The following NRXN1 variants were observed in gnomAD, a reference collection of about 807,000 sequenced individuals.
NRXN1 encodes the protein neurexin 1, also known as neurexin-1.
NRXN1 carries 39 observed loss-of-function variants against 150.9 expected under a neutral mutation model. The ratio of observed to expected loss-of-function variants is 0.26; its 90% confidence interval spans 0.20 to 0.34. The LOEUF is 0.34. Among genes scored for constraint, NRXN1 ranks in the 10% least tolerant of loss-of-function variants. The pLI, the probability that NRXN1 is intolerant of heterozygous loss-of-function variation, is 1.00. For missense variants in NRXN1, 1,815 were observed against 1,949.9 expected, an observed-to-expected ratio of 0.93 and a Z score of 1.30; for synonymous variants, 924 against 757.0, an observed-to-expected ratio of 1.22 and a Z score of -3.62.
At chr2:50,599,422 G>A (rs913542070) in intron 8 of NRXN1, among the ~76,000 whole-genome samples, 2 of 152,132 alleles carry the variant, frequency 1.3e-5, no homozygotes, top group African/African-American at 4.8e-5. Flanking sequence ...TGACTTCTCG[G>A]TTCAATGCTC....
rs1703440708 is a variant in NRXN1 at position 50,775,046 on chromosome 2, CTCT to C, written c.832+146820_832+146822del. ...GCCCAAGAACTTTGCATTCCTACTG[CTCT>C]ACTCCATCCTTTGCTTTAAGCACAA... On this transcript the variant is annotated intron_variant, in intron 5 of 22. Coordinates refer to ENST00000401669, the MANE Select transcript of NRXN1 (RefSeq NM_001330078.2). Among the ~76,000 whole-genome samples, 7 of 152,264 alleles carry C rather than the reference CTCT, an allele frequency of 4.6e-5. No homozygotes were observed. The South Asian group carries it at 1.5e-3, about 32-fold the overall frequency.
At chr2:49,956,639 C>T (rs1675004712) in intron 21 of NRXN1, among the ~76,000 whole-genome samples, 2 of 152,114 alleles carry the variant, frequency 1.3e-5, no homozygotes, top group South Asian at 4.1e-4. Context: ...ACCGTAGCAC[C>T]TTAGGTCCAT....
chr2:50,852,935 A>T (rs1216273555), intron 5 of NRXN1, among the ~76,000 whole-genome samples: 1 of 152,148 alleles, frequency 6.6e-6, no homozygotes, highest in Non-Finnish European at 1.5e-5. Flanking sequence ...GGCTTTGTAA[A>T]ATATTGTGCT....
chr2:50,742,953 A>G (rs1699606176), intron 5 of NRXN1, among the ~76,000 whole-genome samples: 1 of 152,206 alleles, frequency 6.6e-6, no homozygotes, highest in South Asian at 2.1e-4. Context: ...GCATAGACTG[A>G]ACAAGTGAAG....
At chr2:50,505,439 C>A (rs965801720) in intron 13 of NRXN1, among the ~76,000 whole-genome samples, 1 of 152,160 alleles carries the variant, frequency 6.6e-6, no homozygotes, top group Non-Finnish European at 1.5e-5. Flanking sequence ...TTGCCGTTGG[C>A]AGCTGCCTCT....
At chr2:50,154,603 T>C (rs756147040) in intron 18 of NRXN1, among the ~76,000 whole-genome samples, 2 of 151,610 alleles carry the variant, frequency 1.3e-5, no homozygotes, top group Non-Finnish European at 3.0e-5. Context: ...CCACAGAATA[T>C]TATAGTACTT....
At chr2:49,939,717 C>A (rs189259641) in intron 22 of NRXN1, among the ~76,000 whole-genome samples, 60 of 152,218 alleles carry the variant, frequency 3.9e-4, no homozygotes, top group African/African-American at 1.3e-3. Context: ...TTTTGTATAA[C>A]TGAATTGGGG....
chr2:50,646,355 C>T (rs996351695), intron 5 of NRXN1, among the ~76,000 whole-genome samples: 1 of 151,988 alleles, frequency 6.6e-6, no homozygotes, highest in Non-Finnish European at 1.5e-5. Flanking sequence ...GATGCTGCAT[C>T]AGTAACAAGT....
At chr2:50,648,508 C>T (rs1685137291) in intron 5 of NRXN1, among the ~76,000 whole-genome samples, 1 of 151,930 alleles carries the variant, frequency 6.6e-6, no homozygotes, top group Non-Finnish European at 1.5e-5. Flanking sequence ...TTCTGCATGA[C>T]CCTGTATTTG....
rs147837554 is a variant in NRXN1 at position 49,982,779 on chromosome 2, T to G, written c.4129-38988A>C. Among the ~76,000 whole-genome samples the G allele has an allele frequency of 6.6e-5, 10 of 152,290 alleles. No homozygotes were observed. In the East Asian group the frequency reaches 1.9e-3, roughly 29 times the overall value. ...TGGACGCATTTCTATTCTGCATTTC[T>G]GCTTTGTAAATAACAATTTTCTTCC... is the stretch of plus-strand genomic sequence containing the variant. On this transcript the variant is annotated intron_variant, in intron 21 of 22. Coordinates refer to ENST00000401669, the MANE Select transcript of NRXN1 (RefSeq NM_001330078.2).
chr2:50,484,947 C>T lies in NRXN1; in HGVS notation c.3070+10958G>A, dbSNP rs540963738. Among the ~76,000 whole-genome samples the T allele has an allele frequency of 3.7e-4, 56 of 152,254 alleles. 1 individual carries two copies. Among genetic ancestry groups the T allele is most frequent in the African/African-American group, 1.3e-3 (56 of 41,524 alleles). On this transcript the variant is annotated intron_variant, in intron 15 of 22. Coordinates refer to ENST00000401669, the MANE Select transcript of NRXN1 (RefSeq NM_001330078.2). ...ATAAATGTTAGCTTTTCACTGTAGA[C>T]ATTCAGAAGTAATCCTTTCAAATAT... is the stretch of plus-strand genomic sequence containing the variant.
intron 21 of NRXN1, among the ~76,000 whole-genome samples, chr2:50,049,021 G>A (rs915136550): frequency 2.0e-5 from 3 of 152,174 alleles, no homozygotes; most frequent in African/African-American, 4.8e-5. Context: ...AACCAGGCAA[G>A]GATACCACAG....
intron 18 of NRXN1, among the ~76,000 whole-genome samples, chr2:50,184,259 C>T (rs1305601184): frequency 6.6e-6 from 1 of 152,020 alleles, no homozygotes; most frequent in Non-Finnish European, 1.5e-5. Flanking sequence ...CTAGATCACA[C>T]ATTCCTTAAA....
At chr2:50,232,630 C>T (rs1394303970) in intron 18 of NRXN1, among the ~76,000 whole-genome samples, 1 of 151,870 alleles carries the variant, frequency 6.6e-6, no homozygotes, top group Non-Finnish European at 1.5e-5. Context: ...TGTGATCTGC[C>T]AGCCTTGGCC....
chr2:50,650,938 T>C (rs1189109526), intron 5 of NRXN1, among the ~76,000 whole-genome samples: 1 of 152,044 alleles, frequency 6.6e-6, no homozygotes, highest in Non-Finnish European at 1.5e-5. Flanking sequence ...ACTTTGGAAT[T>C]AACTTTGAGT....
At chr2:50,556,599 T>C (rs914035796) in intron 8 of NRXN1, among the ~76,000 whole-genome samples, 4 of 152,066 alleles carry the variant, frequency 2.6e-5, no homozygotes, top group African/African-American at 9.7e-5. Flanking sequence ...TTTGTTAGAA[T>C]TTTTAGTGTC....
rs148126059 is a variant in NRXN1, at chr2:50,500,771, T to C, written c.2498-3057A>G. ...ATCTCAATATTTCCAAGTCAAATATTTTTACCAAAATAGATAGCAAGGTTA... is the reference window on the plus strand; with the variant it reads ...ATCTCAATATTTCCAAGTCAAATATCTTTACCAAAATAGATAGCAAGGTTA... On this transcript the variant is annotated intron_variant, in intron 13 of 22. Coordinates refer to ENST00000401669, the MANE Select transcript of NRXN1 (RefSeq NM_001330078.2). 6.9e-3 allele frequency among the ~76,000 whole-genome samples: 1,057 copies of C among 152,352 alleles called. 17 individuals carry two copies. The highest frequency in any genetic ancestry group is 0.024 in the African/African-American group (1,010 of 41,572).
intron 19 of NRXN1, among the ~76,000 whole-genome samples, chr2:50,090,445 A>C (rs1297625821): frequency 1.3e-5 from 2 of 152,172 alleles, no homozygotes; most frequent in Non-Finnish European, 2.9e-5. Flanking sequence ...ACATAGTTAT[A>C]TCTAAAAGGG....
chr2:50,375,778 A>G (rs2080443249), intron 17 of NRXN1, among the ~76,000 whole-genome samples: 2 of 151,944 alleles, frequency 1.3e-5, no homozygotes, highest in Non-Finnish European at 2.9e-5. Context: ...AAAAAGTCAG[A>G]AAACAAAATT....
Sources: gnomAD v4.1 joint callset for allele counts (sites outside exome capture counted in the v4.1 genomes callset) on GRCh38, gnomAD v4.1.1 for gene constraint, MANE v1.5 for transcripts, NCBI Gene and HGNC (gene_info 2026-07-23, HGNC 2026-07-21) for gene names.